MPHOSPH8: variants seen among roughly 807,000 people sequenced by gnomAD.
The protein encoded by MPHOSPH8 is M-phase phosphoprotein 8.
In MPHOSPH8, 45 loss-of-function variants were observed where a neutral mutation model predicts 87.3. That is an observed-to-expected ratio of 0.52 (90% CI 0.41 to 0.66). The LOEUF is 0.66. Ranked by LOEUF, MPHOSPH8 falls within the 30% of genes least tolerant of loss-of-function variation. The pLI, the probability that MPHOSPH8 is intolerant of heterozygous loss-of-function variation, is 0.00. For missense variants in MPHOSPH8, 883 were observed against 1,020.2 expected, an observed-to-expected ratio of 0.87 and a Z score of 1.83; for synonymous variants, 366 against 376.9, an observed-to-expected ratio of 0.97 and a Z score of 0.33.
At chr13:19,666,933 G>A (rs1188548883) in intron 10 of MPHOSPH8, among the ~76,000 whole-genome samples, 1 of 152,074 alleles carries the variant, frequency 6.6e-6, no homozygotes, top group Non-Finnish European at 1.5e-5. Flanking sequence ...AGGCCGAGGC[G>A]GGTGGATCAC....
Position 19,672,152 on chromosome 13 carries a change from CT to C in MPHOSPH8, c.*283del. ...TTAAGAAAATTAAAGACTTCACTTT[CT>C]TTTTTCTGGAGACGGAGTTTCGCTC... On this transcript the variant is annotated 3_prime_UTR_variant, in exon 14 of 14. Transcript: ENST00000361479. 5.4e-6 allele frequency: 2 copies of C among 371,516 alleles called. No individual in the cohort carries two copies. The highest frequency in any genetic ancestry group is 9.8e-6 in the Non-Finnish European group (2 of 204,444). The allele number at this position is 371,516 out of a possible 1,614,324, so 23.0% of individuals were successfully genotyped here.
At chr13:19,638,100 C>A (rs35877883) in intron 1 of MPHOSPH8, among the ~76,000 whole-genome samples, 19,159 of 132,206 alleles carry the variant, frequency 0.14, 1,404 homozygotes, top group African/African-American at 0.2. Flanking sequence ...GACTCCATCT[C>A]AAAAAAAAAA....
chr13:19,644,804 A>C (rs990302806), intron 2 of MPHOSPH8, among the ~76,000 whole-genome samples: 1 of 152,202 alleles, frequency 6.6e-6, no homozygotes, highest in South Asian at 2.1e-4. Flanking sequence ...GTTATCTGGC[A>C]CAAAACATTG....
intron 2 of MPHOSPH8, among the ~76,000 whole-genome samples, chr13:19,643,318 A>T (rs1874394605): frequency 6.6e-6 from 1 of 152,092 alleles, no homozygotes; most frequent in Non-Finnish European, 1.5e-5. Context: ...GTCATGGTCC[A>T]CTGCAGCCTC....
chr13:19,665,313 G>T (rs968085727), intron 9 of MPHOSPH8, among the ~76,000 whole-genome samples: 5 of 152,198 alleles, frequency 3.3e-5, no homozygotes, highest in South Asian at 2.1e-4. Context: ...ATGAGAAGAT[G>T]TAAACATAGT....
At chr13:19,653,551 G>A (rs1368215857) in intron 5 of MPHOSPH8, among the ~76,000 whole-genome samples, 1 of 152,172 alleles carries the variant, frequency 6.6e-6, no homozygotes, top group Non-Finnish European at 1.5e-5. Flanking sequence ...AAAACTGGGC[G>A]GAGAATGAGT....
rs1350215618 is a variant in MPHOSPH8, at chr13:19,671,963, T to C, written c.*88T>C. 1.5e-6 allele frequency: 2 copies of C among 1,367,386 alleles called. No individual in the cohort carries two copies. Among genetic ancestry groups the C allele is most frequent in the Middle Eastern group, 1.8e-4 (1 of 5,606 alleles). The allele number at this position is 1,367,386 out of a possible 1,614,324, so 84.7% of individuals were successfully genotyped here. ...GTTTGGAATTCTTCTAGCACATCTA[T>C]GTAAAGTTTTGTCTGTAAACCTCTT... is the stretch of plus-strand genomic sequence containing the variant. On this transcript the variant is annotated 3_prime_UTR_variant, in exon 14 of 14. Coordinates refer to ENST00000361479, the MANE Select transcript of MPHOSPH8 (RefSeq NM_017520.4).
chr13:19,661,704 A>C lies in MPHOSPH8; in HGVS notation c.1798A>C (p.Ser600Arg). The change falls in exon 8 of 14, where the codon AGT (serine) becomes CGT (arginine). Residue 600 changes from serine to arginine, a missense_variant. Around this residue, in one of 3 missense-constraint regions of MPHOSPH8, gnomAD observed 741 missense variants for 841.5 expected, o/e 0.88. Coordinates refer to ENST00000361479, the MANE Select transcript of MPHOSPH8 (RefSeq NM_017520.4). ...ATTTAACAAACCAACACAGGATTCC[A>C]GTGGAATGACACTGGTGATGCTTGC... ...EEYNLDQEDSSGMTLVMLAAA... is the reference protein window; with the variant it reads ...EEYNLDQEDSRGMTLVMLAAA... The C allele has an allele frequency of 6.3e-7, 1 of 1,596,942 alleles. No individual in the cohort carries two copies. The highest frequency in any genetic ancestry group is 8.6e-7 in the Non-Finnish European group (1 of 1,168,992).
In MPHOSPH8 at chr13:19,633,770, G is replaced by C. The variant is rs1280154137; in HGVS notation, c.22G>C (p.Ala8Pro). 3.1e-6 allele frequency: 5 copies of C among 1,601,784 alleles called. No homozygotes were observed. In the Admixed American group the frequency reaches 8.6e-5, roughly 28 times the overall value. MEQVAEGARVTAVPVSAA... is the reference protein window; with the variant it reads MEQVAEGPRVTAVPVSAA... ...TAGGATGGAGCAGGTTGCGGAGGGA[G>C]CAAGGGTGACCGCAGTCCCTGTGTC... Residue 8 changes from alanine (A) to proline (P), a missense_variant, in exon 1 of 14, where the codon GCA (alanine) becomes CCA (proline). Coordinates refer to ENST00000361479, the MANE Select transcript of MPHOSPH8 (RefSeq NM_017520.4).
chr13:19,634,095 G>A, intron 1 of MPHOSPH8, 134 bp downstream of exon 1: 1 of 908,078 alleles, frequency 1.1e-6, no homozygotes, highest in East Asian at 2.7e-5. Flanking sequence ...GCAAGCACGC[G>A]AAATCGTGGG....
At chr13:19,658,472 C>CCG (rs35907022) in intron 5 of MPHOSPH8, among the ~76,000 whole-genome samples, 1 of 151,882 alleles carries the variant, frequency 6.6e-6, no homozygotes, top group African/African-American at 2.4e-5. Flanking sequence ...CAATACCTCA[C>CCG]GGGGGTGGGT....
intron 5 of MPHOSPH8, among the ~76,000 whole-genome samples, chr13:19,656,912 A>C (rs1156852408): frequency 6.7e-6 from 1 of 150,092 alleles, no homozygotes; most frequent in Non-Finnish European, 1.5e-5. Context: ...ACTTGAGGTC[A>C]GGAGTTCGAG....
At chr13:19,655,207 G>A (rs2137525161) in intron 5 of MPHOSPH8, among the ~76,000 whole-genome samples, 1 of 152,300 alleles carries the variant, frequency 6.6e-6, no homozygotes, top group East Asian at 1.9e-4. Flanking sequence ...CAGGCATGGT[G>A]GCTCACACCT....
chr13:19,644,478 C>T (rs67419788), intron 2 of MPHOSPH8, among the ~76,000 whole-genome samples: 12,491 of 152,250 alleles, frequency 0.082, 543 homozygotes, highest in Middle Eastern at 0.13. Context: ...AGTCTTAGTC[C>T]TAGAAGCAAA....
rs529974692 is a variant in MPHOSPH8, at chr13:19,657,721, C to T, written c.1577-1274C>T. ...CCAGTGGTTCTGGTCTAGGCATGCT[C>T]TCTGTTCTTACAGCAGTCCTGTGAG... On this transcript the variant is annotated intron_variant, in intron 5 of 13. Coordinates refer to ENST00000361479, the MANE Select transcript of MPHOSPH8 (RefSeq NM_017520.4). Among the ~76,000 whole-genome samples, 91 of 152,304 alleles carry T rather than the reference C, an allele frequency of 6.0e-4. 1 individual carries two copies. Among genetic ancestry groups the T allele is most frequent in the African/African-American group, 2.0e-3 (83 of 41,582 alleles).
intron 3 of MPHOSPH8, 77 bp downstream of exon 3, chr13:19,647,368 C>A: frequency 7.6e-7 from 1 of 1,308,392 alleles, no homozygotes; most frequent in Non-Finnish European, 1.0e-6. Flanking sequence ...GGGAAACAGT[C>A]AAGCTATAAG....
At chr13:19,661,284 C>G (rs1875514619) in intron 7 of MPHOSPH8, among the ~76,000 whole-genome samples, 1 of 152,158 alleles carries the variant, frequency 6.6e-6, no homozygotes, top group African/African-American at 2.4e-5. Flanking sequence ...TTTAAAAAAC[C>G]TATATATCTT....
At chr13:19,637,089 G>T (rs1874048568) in intron 1 of MPHOSPH8, among the ~76,000 whole-genome samples, 1 of 152,160 alleles carries the variant, frequency 6.6e-6, no homozygotes, top group South Asian at 2.1e-4. Context: ...GAAACATAGT[G>T]ACCACGTTCA....
chr13:19,670,281 A>G lies in MPHOSPH8; in HGVS notation c.2375A>G (p.Lys792Arg), dbSNP rs138439899. 3.4e-4 allele frequency: 548 copies of G among 1,613,940 alleles called. 1 individual carries two copies. The highest frequency in any genetic ancestry group is 5.3e-4 in the Admixed American group (32 of 60,006). ...ATCTTCCATGCAAACTTTTTGGGTA[A>G]AGAAGTTATTGCTCGGCTCTGTGGA... is the stretch of plus-strand genomic sequence containing the variant. ...LFIFHANFLG[K>R]EVIARLCGPC... The change falls in exon 12 of 14, where the codon AAA (lysine) becomes AGA (arginine). Residue 792 changes from lysine (K) to arginine (R), a missense_variant. Coordinates refer to ENST00000361479, the MANE Select transcript of MPHOSPH8 (RefSeq NM_017520.4).
Sources: allele counts gnomAD v4.1 joint callset (sites outside exome capture counted in the v4.1 genomes callset), GRCh38; gene constraint gnomAD v4.1.1; regional missense constraint gnomAD v4.1.1; transcripts MANE v1.5; gene names NCBI Gene and HGNC (gene_info 2026-07-23, HGNC 2026-07-21).